STK33: variants seen among roughly 807,000 people sequenced by gnomAD.
The protein encoded by STK33 is serine/threonine kinase 33, also known as serine/threonine-protein kinase 33.
STK33 carries 52 observed loss-of-function variants against 58.0 expected under a neutral mutation model. The observed-to-expected ratio is 0.90, with a 90% confidence interval of 0.72 to 1.13. STK33 has a LOEUF of 1.13. Ranked by LOEUF, STK33 falls within the 50% of genes most tolerant of loss-of-function variation. STK33 has a pLI of 0.00. For synonymous variants in STK33, 215 were observed against 200.1 expected, an observed-to-expected ratio of 1.07 and a Z score of -0.63; for missense variants, 630 against 604.2, an observed-to-expected ratio of 1.04 and a Z score of -0.45.
At chr11:8,570,824 C>A (rs1395981480) in intron 1 of STK33, among the ~76,000 whole-genome samples, 1 of 152,098 alleles carries the variant, frequency 6.6e-6, no homozygotes, top group East Asian at 1.9e-4. Context: ...ATATAAAAAT[C>A]AAATTGTACA....
chr11:8,372,693 G>A, the STK33 span, among the ~76,000 whole-genome samples: 1 of 152,272 alleles, frequency 6.6e-6, no homozygotes, highest in African/African-American at 2.4e-5. Context: ...GACTGGGACA[G>A]GCGTACTGCC....
chr11:8,492,016 C>T (rs1292402772), intron 1 of STK33, among the ~76,000 whole-genome samples: 3 of 152,182 alleles, frequency 2.0e-5, no homozygotes, highest in Non-Finnish European at 4.4e-5. Context: ...ACCATCAATG[C>T]TAGGAAGAAA....
At chr11:8,413,399 A>G (rs1940610237) in intron 15 of STK33, 96 bp downstream of exon 15, 1 of 1,358,004 alleles carries the variant, frequency 7.4e-7, no homozygotes, top group Non-Finnish European at 1.0e-6. Flanking sequence ...CCTTTGTTAC[A>G]AACTAACAAC....
intron 14 of STK33, among the ~76,000 whole-genome samples, chr11:8,422,862 T>C (rs1219941432): frequency 5.3e-5 from 8 of 151,876 alleles, no homozygotes; most frequent in Non-Finnish European, 8.8e-5. Context: ...TCTCACATTG[T>C]CACCCAGGCT....
chr11:8,536,132 T>G (rs928308261), intron 1 of STK33, among the ~76,000 whole-genome samples: 1 of 152,062 alleles, frequency 6.6e-6, no homozygotes, highest in Non-Finnish European at 1.5e-5. Flanking sequence ...TGAAGAGAAC[T>G]GAATTAAAGG....
At chr11:8,432,174 C>A (rs751035364) in intron 14 of STK33, among the ~76,000 whole-genome samples, 15 of 152,134 alleles carry the variant, frequency 9.9e-5, no homozygotes, top group Non-Finnish European at 1.3e-4. Context: ...TATGGCAAGA[C>A]ATAAAAGAAA....
chr11:8,517,921 G>T (rs1330589034), intron 1 of STK33, among the ~76,000 whole-genome samples: 4 of 152,100 alleles, frequency 2.6e-5, no homozygotes, highest in African/African-American at 9.7e-5. Context: ...CACTCTCCAG[G>T]ATATTATCCA....
intron 1 of STK33, among the ~76,000 whole-genome samples, chr11:8,487,946 G>A (rs1301347394): frequency 6.6e-6 from 1 of 152,160 alleles, no homozygotes; most frequent in Non-Finnish European, 1.5e-5. Flanking sequence ...ATTTTAACTT[G>A]CCTTAGTCCC....
chr11:8,533,595 C>A (rs1954721608), intron 1 of STK33: 1 of 152,084 alleles, frequency 6.6e-6, no homozygotes, highest in South Asian at 2.1e-4. Context: ...ACAGAAAAAA[C>A]ACCATTAATA....
the STK33 span, among the ~76,000 whole-genome samples, chr11:8,367,991 T>C: frequency 6.6e-6 from 1 of 151,896 alleles, no homozygotes; most frequent in Non-Finnish European, 1.5e-5. Context: ...TATGGGGTGG[T>C]GGAGCAGGAG....
At chr11:8,571,430 G>A (rs545724832) in intron 1 of STK33, among the ~76,000 whole-genome samples, 1 of 152,314 alleles carries the variant, frequency 6.6e-6, no homozygotes, top group African/African-American at 2.4e-5. Flanking sequence ...GGAGTTACTA[G>A]TAAAGTTTAA....
intron 14 of STK33, among the ~76,000 whole-genome samples, chr11:8,422,269 A>C (rs1942033801): frequency 6.6e-6 from 1 of 152,110 alleles, no homozygotes; most frequent in Non-Finnish European, 1.5e-5. Flanking sequence ...ATACTTACAG[A>C]TTCTGAAATT....
Position 8,442,770 on chromosome 11 carries a change from G to T in STK33, c.872-2017C>A, listed in dbSNP as rs567478763. On this transcript the variant is annotated intron_variant, in intron 11 of 15. Transcript: ENST00000687296. ...GCAGACAAAAAAAGCAACGAATTAC[G>T]TATACTCTTCAGCAATAAAAATGAA... Among the ~76,000 whole-genome samples, 27 of 152,194 alleles carry T rather than the reference G, an allele frequency of 1.8e-4. 1 individual carries two copies. The highest frequency in any genetic ancestry group is 3.4e-3 in the Middle Eastern group (1 of 294).
chr11:8,539,118 C>A (rs1467295164), intron 1 of STK33, among the ~76,000 whole-genome samples: 2 of 151,764 alleles, frequency 1.3e-5, no homozygotes, highest in East Asian at 3.9e-4. Flanking sequence ...ATTACACAAC[C>A]TGTAAAGTTT....
intron 1 of STK33, among the ~76,000 whole-genome samples, chr11:8,592,053 G>C (rs1565439558): frequency 6.6e-6 from 1 of 151,964 alleles, no homozygotes; most frequent in Non-Finnish European, 1.5e-5. Flanking sequence ...CCTCCTACCT[G>C]GATGCTCTCT....
At chr11:8,401,492 G>A (rs1000043561) in intron 15 of STK33, among the ~76,000 whole-genome samples, 1 of 152,114 alleles carries the variant, frequency 6.6e-6, no homozygotes, top group East Asian at 1.9e-4. Flanking sequence ...AGACTTAAAT[G>A]TTAAGACCTA....
intron 1 of STK33, among the ~76,000 whole-genome samples, chr11:8,499,699 A>C (rs1467635491): frequency 6.6e-6 from 1 of 152,246 alleles, no homozygotes; most frequent in Non-Finnish European, 1.5e-5. Context: ...AAACTGGATA[A>C]AGAAATGTGG....
intron 11 of STK33, among the ~76,000 whole-genome samples, chr11:8,444,723 T>C (rs1362233642): frequency 6.6e-6 from 1 of 152,016 alleles, no homozygotes; most frequent in Non-Finnish European, 1.5e-5. Context: ...ACATAAATTA[T>C]CAAAATGATT....
At chr11:8,440,915 C>A (rs1591076340) in intron 11 of STK33, among the ~76,000 whole-genome samples, 162 bp from the exon 12 acceptor site, 1 of 152,172 alleles carries the variant, frequency 6.6e-6, no homozygotes, top group East Asian at 1.9e-4. Context: ...CAGGCCTTAA[C>A]AATTGATGTC....
Sources: allele counts gnomAD v4.1 joint callset (sites outside exome capture counted in the v4.1 genomes callset), GRCh38; gene constraint gnomAD v4.1.1; transcripts MANE v1.5; gene names NCBI Gene and HGNC (gene_info 2026-07-23, HGNC 2026-07-21).